EDC4: variants seen among roughly 807,000 people sequenced by gnomAD.
The protein encoded by EDC4 is enhancer of mRNA decapping 4, also known as enhancer of mRNA-decapping protein 4.
EDC4 carries 64 observed loss-of-function variants against 155.8 expected under a neutral mutation model. That is an observed-to-expected ratio of 0.41 (90% confidence interval 0.34 to 0.51). The LOEUF is 0.51. Ranked by LOEUF, EDC4 falls within the 20% of genes least tolerant of loss-of-function variation. EDC4 has a pLI of 0.19. For missense variants in EDC4, 1,303 were observed against 1,812.5 expected, an observed-to-expected ratio of 0.72 and a Z score of 5.10; for synonymous variants, 684 against 716.8, an observed-to-expected ratio of 0.95 and a Z score of 0.73.
Position 67,878,775 on chromosome 16 carries a change from C to T in EDC4, c.1223C>T (p.Pro408Leu). 6.2e-7 allele frequency: 1 copy of T among 1,614,144 alleles called. No homozygotes were observed. The highest frequency in any genetic ancestry group is 8.5e-7 in the Non-Finnish European group (1 of 1,180,022). ...PDIFSSVSVP[P>L]SLKVCLDLSA... ...ATCTTCAGCTCAGTGAGTGTGCCCCCTAGCCTCAAGGTTTGCTTGGACCTC... is the reference window on the plus strand; with the variant it reads ...ATCTTCAGCTCAGTGAGTGTGCCCCTTAGCCTCAAGGTTTGCTTGGACCTC... Residue 408 changes from proline to leucine, a missense_variant, in exon 11 of 29, where the codon CCT becomes CTT. By Grantham distance (98) the Pro-to-Leu change is moderately conservative (BLOSUM62 -3). Around this residue, in one of 5 missense-constraint regions of EDC4, gnomAD observed 235 missense variants for 367.7 expected, o/e 0.64. Coordinates refer to ENST00000358933, the MANE Select transcript of EDC4 (RefSeq NM_014329.5). The surrounding 1 kb of genome is among the most constrained non-coding windows in gnomAD (Gnocchi z 5.2).
Position 67,876,219 on chromosome 16 carries a change from C to A in EDC4, c.239+118C>A. 1 of 1,229,896 alleles carries A rather than the reference C, an allele frequency of 8.1e-7. No individual in the cohort carries two copies. Among genetic ancestry groups the A allele is most frequent in the Non-Finnish European group, 1.2e-6 (1 of 868,810 alleles). 76.2% of individuals were successfully genotyped at this position (1,229,896 alleles called of 1,614,324 possible). A position where few individuals can be genotyped will look rare whatever the true frequency, so the allele number is the denominator to read the frequency against. On this transcript the variant is annotated intron_variant, in intron 2 of 28. Coordinates refer to ENST00000358933, the MANE Select transcript of EDC4 (RefSeq NM_014329.5). This position sits in a 1 kb window ranked among gnomAD's most constrained non-coding sequence, Gnocchi z 5.8. ...CCTCTGCTGCTTCCTCTCTAGATGA[C>A]CTGGGGTGGAGCTTGAGCTTGCACT...
At position 67,877,379 on chromosome 16, in the gene EDC4, G is replaced by T; in HGVS notation, c.614G>T (p.Arg205Leu). The change falls in exon 5 of 29, where the codon CGC becomes CTC. Residue 205 changes from arginine to leucine, a missense_variant. By Grantham distance (102) the Arg-to-Leu change is moderately radical (BLOSUM62 -2). This residue lies in a region of EDC4 where 235 missense variants were observed against 367.7 expected (regional missense o/e 0.64). Transcript: ENST00000358933. The surrounding 1 kb of genome is among the most constrained non-coding windows in gnomAD (Gnocchi z 4.9). ...GAGGCAGGCAACCTGTTCGTGTGGC[G>T]CTTGGCTCTGGTTAATGGCAAAATT... ...LDEAGNLFVW[R>L]LALVNGKIQE... 1.9e-6 allele frequency: 3 copies of T among 1,613,532 alleles called. No individual in the cohort carries two copies. The highest frequency in any genetic ancestry group is 2.5e-6 in the Non-Finnish European group (3 of 1,179,858).
chr16:67,878,290 CAG>C lies in EDC4; in HGVS notation c.1004+16_1004+17del, dbSNP rs757419448. 2.5e-6 allele frequency: 4 copies of C among 1,614,212 alleles called. No individual in the cohort carries two copies. The African/African-American group carries it at 5.3e-5, about 22-fold the overall frequency. Reference sequence around the variant, plus strand: ...GATGAGCCAAGGTAAGGCAGGGCCTCAGGGACCAGGATCCTCCCGAGGTAGCC... The same window carrying C: ...GATGAGCCAAGGTAAGGCAGGGCCTCGGACCAGGATCCTCCCGAGGTAGCC... On this transcript the variant is annotated intron_variant, in intron 8 of 28. Coordinates refer to ENST00000358933, the MANE Select transcript of EDC4 (RefSeq NM_014329.5). The surrounding 1 kb of genome is among the most constrained non-coding windows in gnomAD (Gnocchi z 5.2).
At chr16:67,873,881 C>T (rs2058031561) in intron 1 of EDC4, among the ~76,000 whole-genome samples, 1 of 152,206 alleles carries the variant, frequency 6.6e-6, no homozygotes, top group African/African-American at 2.4e-5. Flanking sequence ...TCACAGACCG[C>T]ACCACCCTGA....
At position 67,882,731 on chromosome 16, in the gene EDC4, G is replaced by A; in HGVS notation, c.3495G>A (p.Glu1165=). The A allele has an allele frequency of 1.2e-6, 2 of 1,614,252 alleles. No homozygotes were observed. The highest frequency in any genetic ancestry group is 1.7e-6 in the Non-Finnish European group (2 of 1,180,046). ...AGAGCCGGAAGGCACGGGAACAGGA[G>A]GCCAGGGAGCCTGTGCTAGCCCAGC... ...HMKSRKAREQ[E]AREPVLAQLR... is the part of the protein sequence containing the mutation. Residue 1165 remains glutamate (E), a synonymous_variant, in exon 26 of 29, where the codon GAG becomes GAA. Transcript: ENST00000358933. The surrounding 1 kb of genome is among the most constrained non-coding windows in gnomAD (Gnocchi z 7.2).
rs534689402 is a variant in EDC4 at position 67,883,211 on chromosome 16, G to C, written c.3849+34G>C. On this transcript the variant is annotated intron_variant, in intron 27 of 28. Coordinates refer to ENST00000358933, the MANE Select transcript of EDC4 (RefSeq NM_014329.5). The surrounding 1 kb of genome is among the most constrained non-coding windows in gnomAD (Gnocchi z 5.3). ...GGCATTAGGCCCTGCTAAGGGTCAC[G>C]TGTCTCTTGACAAGGCCCACATACC... is the stretch of plus-strand genomic sequence containing the variant. 8 of 1,525,942 alleles carry C rather than the reference G, an allele frequency of 5.2e-6. No homozygotes were observed. The highest frequency in any genetic ancestry group is 3.4e-4 in the Middle Eastern group (2 of 5,930). The allele number at this position is 1,525,942 out of a possible 1,614,324, so 94.5% of individuals were successfully genotyped here. A position where few individuals can be genotyped will look rare whatever the true frequency, so the allele number is the denominator to read the frequency against.
Position 67,876,682 on chromosome 16 carries a change from T to C in EDC4, c.351+83T>C. 6.3e-7 allele frequency: 1 copy of C among 1,578,384 alleles called. No homozygotes were observed. The highest frequency in any genetic ancestry group is 8.6e-7 in the Non-Finnish European group (1 of 1,159,512). ...GTCTCCCTCATGCTGCCAGTTCCTATGGGGACCACCTTGACACTTTCCCAG... is the reference window on the plus strand; with the variant it reads ...GTCTCCCTCATGCTGCCAGTTCCTACGGGGACCACCTTGACACTTTCCCAG... On this transcript the variant is annotated intron_variant, in intron 3 of 28. Transcript: ENST00000358933. The surrounding 1 kb of genome is among the most constrained non-coding windows in gnomAD (Gnocchi z 5.8).
At position 67,876,609 on chromosome 16, in the gene EDC4, G is replaced by A. The variant is rs377331935; in HGVS notation, c.351+10G>A. 16 of 1,613,798 alleles carry A rather than the reference G, an allele frequency of 9.9e-6. No homozygotes were observed. In the African/African-American group the frequency reaches 2.0e-4, roughly 20 times the overall value. ...CCGGGGAAGCAACAAGGTAGGTACTGGGATGCTGTGGCATATATAATGTAC... is the reference window on the plus strand; with the variant it reads ...CCGGGGAAGCAACAAGGTAGGTACTAGGATGCTGTGGCATATATAATGTAC... On this transcript the variant is annotated intron_variant, in intron 3 of 28. Coordinates refer to ENST00000358933, the MANE Select transcript of EDC4 (RefSeq NM_014329.5). The surrounding 1 kb of genome is among the most constrained non-coding windows in gnomAD (Gnocchi z 5.8).
Position 67,881,928 on chromosome 16 carries a change from A to G in EDC4, c.3005-26A>G. On this transcript the variant is annotated intron_variant, in intron 22 of 28. Coordinates refer to ENST00000358933, the MANE Select transcript of EDC4 (RefSeq NM_014329.5). The surrounding 1 kb of genome is among the most constrained non-coding windows in gnomAD (Gnocchi z 5.4). ...TGGGAAGGAGTACACGACCTGCTCC[A>G]GGCCCGTTCCTTAGCTATGGCGCAG... 6.2e-7 allele frequency: 1 copy of G among 1,603,772 alleles called. No homozygotes were observed. Among genetic ancestry groups the G allele is most frequent in the African/African-American group, 1.3e-5 (1 of 74,748 alleles).
In EDC4 at chr16:67,881,002, GGGAGGGGAAAAGTGTGCTAGCA is replaced by G; in HGVS notation, c.2531+20_2531+41del. On this transcript the variant is annotated intron_variant, in intron 18 of 28. Transcript: ENST00000358933. This position sits in a 1 kb window ranked among gnomAD's most constrained non-coding sequence, Gnocchi z 5.4. ...ACCCTGGCAGAAAGGTGAGGAGCTT[GGGAGGGGAAAAGTGTGCTAGCA>G]GGAGGGGCTTCAGATAGATTCATCC... 3.7e-6 allele frequency: 6 copies of G among 1,613,572 alleles called. No homozygotes were observed. The highest frequency in any genetic ancestry group is 5.1e-6 in the Non-Finnish European group (6 of 1,179,768).
Position 67,876,500 on chromosome 16 carries a change from A to G in EDC4, c.252A>G (p.Gly84=). The change falls in exon 3 of 29, where the codon GGA becomes GGG. Residue 84 remains glycine, a synonymous_variant. Coordinates refer to ENST00000358933, the MANE Select transcript of EDC4 (RefSeq NM_014329.5). The surrounding 1 kb of genome is among the most constrained non-coding windows in gnomAD (Gnocchi z 5.8). ...CTCTTCCCCACAGCTGTCTCTCAGGAGATGATAGCTCCACCTGCATTGGGA... is the reference window on the plus strand; with the variant it reads ...CTCTTCCCCACAGCTGTCTCTCAGGGGATGATAGCTCCACCTGCATTGGGA... ...LQEKQVICLS[G]DDSSTCIGIL... The G allele has an allele frequency of 6.2e-7, 1 of 1,613,982 alleles. No homozygotes were observed. The highest frequency in any genetic ancestry group is 8.5e-7 in the Non-Finnish European group (1 of 1,179,990).
Position 67,877,749 on chromosome 16 carries a change from G to A in EDC4, c.798G>A (p.Val266=). 6.2e-7 allele frequency: 1 copy of A among 1,614,214 alleles called. No homozygotes were observed. The highest frequency in any genetic ancestry group is 8.5e-7 in the Non-Finnish European group (1 of 1,180,046). ...CTCCCTGTGCCTTCCAGGCTGAGGT[G>A]TGGGACCTGGACATGCTCCGCTCCA... ...VALLHEDRAE[V]WDLDMLRSSH... The change falls in exon 7 of 29, where the codon GTG becomes GTA. Residue 266 remains valine, a synonymous_variant. Transcript: ENST00000358933. This position sits in a 1 kb window ranked among gnomAD's most constrained non-coding sequence, Gnocchi z 4.9.
chr16:67,881,160 G>A lies in EDC4; in HGVS notation c.2616G>A (p.Gln872=). 1 of 1,614,158 alleles carries A rather than the reference G, an allele frequency of 6.2e-7. No individual in the cohort carries two copies. Among genetic ancestry groups the A allele is most frequent in the Non-Finnish European group, 8.5e-7 (1 of 1,180,036 alleles). The part of the protein sequence containing the change: ...PYHLLQQRDS[Q]DASAEQSDHD... ...ACCTGCTGCAGCAACGTGACAGCCA[G>A]GATGCCAGTGCTGAGCAAAGGTGGG... is the stretch of plus-strand genomic sequence containing the variant. Residue 872 remains glutamine, a synonymous_variant, in exon 19 of 29, where the codon CAG becomes CAA. Transcript: ENST00000358933. This position sits in a 1 kb window ranked among gnomAD's most constrained non-coding sequence, Gnocchi z 5.4.
rs2058042277 is a variant in EDC4, at chr16:67,876,533, C to T, written c.285C>T (p.Ala95=). 4.3e-6 allele frequency: 7 copies of T among 1,614,086 alleles called. No individual in the cohort carries two copies. In the East Asian group the frequency reaches 8.9e-5, roughly 21 times the overall value. ...DDSSTCIGIL[A]KEVEIVASSD... ...GCTCCACCTGCATTGGGATTTTGGC[C>T]AAGGAGGTGGAGATTGTGGCTAGCA... is the stretch of plus-strand genomic sequence containing the variant. The change falls in exon 3 of 29, where the codon GCC becomes GCT. Residue 95 remains alanine, a synonymous_variant. Transcript: ENST00000358933. This position sits in a 1 kb window ranked among gnomAD's most constrained non-coding sequence, Gnocchi z 5.8.
Position 67,878,158 on chromosome 16 carries a change from C to T in EDC4, c.895-8C>T, listed in dbSNP as rs770746611. The T allele has an allele frequency of 1.7e-5, 27 of 1,613,992 alleles. 1 individual carries two copies. In the South Asian group the frequency reaches 2.7e-4, roughly 16 times the overall value. On this transcript the variant is annotated splice_polypyrimidine_tract_variant and splice_region_variant and intron_variant, in intron 7 of 28. Transcript: ENST00000358933. This position sits in a 1 kb window ranked among gnomAD's most constrained non-coding sequence, Gnocchi z 5.2. ...TCTAGTCAGCAAAGCTTTTTGGGTT[C>T]TTTCTAGTGCCTCAGTGAAGGAGCC...
chr16:67,879,269 G>C lies in EDC4; in HGVS notation c.1501G>C (p.Ala501Pro), dbSNP rs766341961. 6.2e-7 allele frequency: 1 copy of C among 1,614,190 alleles called. No individual in the cohort carries two copies. Among genetic ancestry groups the C allele is most frequent in the South Asian group, 1.1e-5 (1 of 91,084 alleles). ...CCATGGAGCCGGTGCCATGGAGTCT[G>C]CGGCCGGTGTGCTCATCAAGCTCTT... is the stretch of plus-strand genomic sequence containing the variant. ...GTHGAGAMESAAGVLIKLFCV... is the reference protein window; with the variant it reads ...GTHGAGAMESPAGVLIKLFCV... Residue 501 changes from alanine to proline, a missense_variant, in exon 13 of 29, where the codon GCG becomes CCG. Around this residue, in one of 5 missense-constraint regions of EDC4, gnomAD observed 391 missense variants for 445.4 expected, o/e 0.88. Transcript: ENST00000358933. The surrounding 1 kb of genome is among the most constrained non-coding windows in gnomAD (Gnocchi z 6.0).
Position 67,881,139 on chromosome 16 carries a change from G to A in EDC4, c.2595G>A (p.Leu865=), listed in dbSNP as rs766236800. The part of the protein sequence containing the change: ...SLAFHRPPYH[L]LQQRDSQDAS... ...CCTTCCACCGACCACCATATCACCT[G>A]CTGCAGCAACGTGACAGCCAGGATG... Residue 865 remains leucine (L), a synonymous_variant, in exon 19 of 29, where the codon CTG becomes CTA. Coordinates refer to ENST00000358933, the MANE Select transcript of EDC4 (RefSeq NM_014329.5). The surrounding 1 kb of genome is among the most constrained non-coding windows in gnomAD (Gnocchi z 5.4). 6.2e-7 allele frequency: 1 copy of A among 1,614,132 alleles called. No individual in the cohort carries two copies. The highest frequency in any genetic ancestry group is 2.2e-5 in the East Asian group (1 of 44,892).
In EDC4 at chr16:67,883,211, G is replaced by T. The variant is rs534689402; in HGVS notation, c.3849+34G>T. 6 of 1,525,942 alleles carry T rather than the reference G, an allele frequency of 3.9e-6. No individual in the cohort carries two copies. The highest frequency in any genetic ancestry group is 5.3e-6 in the Non-Finnish European group (6 of 1,135,552). The allele number at this position is 1,525,942 out of a possible 1,614,324, so 94.5% of individuals were successfully genotyped here. On this transcript the variant is annotated intron_variant, in intron 27 of 28. Transcript: ENST00000358933. The surrounding 1 kb of genome is among the most constrained non-coding windows in gnomAD (Gnocchi z 5.3). ...GGCATTAGGCCCTGCTAAGGGTCACGTGTCTCTTGACAAGGCCCACATACC... is the reference window on the plus strand; with the variant it reads ...GGCATTAGGCCCTGCTAAGGGTCACTTGTCTCTTGACAAGGCCCACATACC...
Position 67,880,125 on chromosome 16 carries a change from G to T in EDC4, c.2006G>T (p.Ser669Ile). 1 of 1,613,036 alleles carries T rather than the reference G, an allele frequency of 6.2e-7. No individual in the cohort carries two copies. Among genetic ancestry groups the T allele is most frequent in the Non-Finnish European group, 8.5e-7 (1 of 1,179,652 alleles). Reference sequence around the variant, plus strand: ...CTGGATGGCAGCCTGACAATGAGCAGCAGTGGCAGCCTTCAGGCAAGCCCG... The same window carrying T: ...CTGGATGGCAGCCTGACAATGAGCATCAGTGGCAGCCTTCAGGCAAGCCCG... ...LQLDGSLTMS[S>I]SGSLQASPRG... The change falls in exon 17 of 29, where the codon AGC (serine) becomes ATC (isoleucine). Residue 669 changes from serine to isoleucine, a missense_variant. Physicochemically the swap from Ser to Ile is moderately radical, Grantham distance 142. This residue lies in a region of EDC4 where 391 missense variants were observed against 445.4 expected (regional missense o/e 0.88). Coordinates refer to ENST00000358933, the MANE Select transcript of EDC4 (RefSeq NM_014329.5). This position sits in a 1 kb window ranked among gnomAD's most constrained non-coding sequence, Gnocchi z 5.2.
Sources: gnomAD v4.1 joint callset for allele counts (sites outside exome capture counted in the v4.1 genomes callset) on GRCh38, gnomAD v4.1.1 for gene constraint, gnomAD v4.1.1 regional missense constraint, Gnocchi (gnomAD v3.1) non-coding constraint, MANE v1.5 for transcripts, NCBI Gene and HGNC (gene_info 2026-07-23, HGNC 2026-07-21) for gene names.